Variants in ABCC5 observed in about 807,000 individuals in gnomAD.
ABCC5 encodes the protein ATP binding cassette subfamily C member 5.
In ABCC5, 61 loss-of-function variants were observed where a neutral mutation model predicts 160.9. The ratio of observed to expected loss-of-function variants is 0.38; its 90% confidence interval spans 0.31 to 0.47. The LOEUF is 0.47. Among genes scored for constraint, ABCC5 ranks in the 20% least tolerant of loss-of-function variants. ABCC5 has a pLI of 0.99. For missense variants in ABCC5, 1,308 were observed against 1,813.3 expected, an observed-to-expected ratio of 0.72 and a Z score of 5.06; for synonymous variants, 666 against 700.6, an observed-to-expected ratio of 0.95 and a Z score of 0.78.
chr3:183,943,956 C>A (rs1714603555), intron 24 of ABCC5, among the ~76,000 whole-genome samples: 1 of 152,222 alleles, frequency 6.6e-6, no homozygotes, highest in South Asian at 2.1e-4. Context: ...AGCCACCTGC[C>A]ATCCTTTCTG....
chr3:183,989,043 C>A (rs1719490192), intron 3 of ABCC5, among the ~76,000 whole-genome samples, 183 bp downstream of exon 3: 1 of 151,400 alleles, frequency 6.6e-6, no homozygotes. Context: ...GTGGTGCACG[C>A]CTGTAGTCCC....
intron 25 of ABCC5, among the ~76,000 whole-genome samples, chr3:183,942,141 G>A (rs1021946702): frequency 4.6e-5 from 7 of 151,922 alleles, no homozygotes; most frequent in African/African-American, 1.7e-4. Context: ...CCAGGTTCAC[G>A]CCATTCTCCT....
chr3:183,972,134 A>G, intron 10 of ABCC5: 1 of 839,490 alleles, frequency 1.2e-6, no homozygotes, highest in Non-Finnish European at 1.9e-6. Context: ...GGGCCTTATC[A>G]ATGACCCAAT....
intron 28 of ABCC5, among the ~76,000 whole-genome samples, chr3:183,927,021 G>T (rs1045234090): frequency 6.6e-6 from 1 of 151,726 alleles, no homozygotes; most frequent in African/African-American, 2.4e-5. Flanking sequence ...CTCCAGCCTG[G>T]AGACAGAGCA....
intron 5 of ABCC5, chr3:183,984,066 A>T (rs1189323039): frequency 2.0e-6 from 2 of 985,338 alleles, no homozygotes; most frequent in Non-Finnish European, 2.4e-6. Context: ...TTCTCTAGGA[A>T]AAAAGACCTT....
chr3:183,944,713 A>G (rs901188248), intron 24 of ABCC5, among the ~76,000 whole-genome samples: 5 of 152,150 alleles, frequency 3.3e-5, no homozygotes, highest in African/African-American at 1.2e-4. Flanking sequence ...CTTTCTTAAC[A>G]TATTATGAGA....
At chr3:183,980,533 C>T (rs1718620219) in intron 8 of ABCC5, among the ~76,000 whole-genome samples, 1 of 152,152 alleles carries the variant, frequency 6.6e-6, no homozygotes, top group Admixed American at 6.5e-5. Flanking sequence ...GAAACAAACT[C>T]ACTGCTTAAC....
At chr3:183,967,994 C>A (rs565222009) in intron 11 of ABCC5, among the ~76,000 whole-genome samples, 1 of 152,314 alleles carries the variant, frequency 6.6e-6, no homozygotes, top group Admixed American at 6.5e-5. Flanking sequence ...AGTAAATATG[C>A]CGCACACATT....
At chr3:183,997,183 A>G (rs1171812981) in intron 2 of ABCC5, among the ~76,000 whole-genome samples, 1 of 152,116 alleles carries the variant, frequency 6.6e-6, no homozygotes, top group Non-Finnish European at 1.5e-5. Flanking sequence ...TATGGCCTTA[A>G]AGTATGAAGA....
intron 5 of ABCC5, chr3:183,985,755 A>T (rs1203902693): frequency 3.2e-6 from 1 of 308,598 alleles, no homozygotes; most frequent in African/African-American, 2.2e-5. Context: ...TAACATTACT[A>T]TGACCCCCGG....
intron 10 of ABCC5, among the ~76,000 whole-genome samples, chr3:183,972,229 C>G (rs60835160): frequency 6.6e-6 from 1 of 152,156 alleles, no homozygotes; most frequent in Non-Finnish European, 1.5e-5. Flanking sequence ...CTGACTGGCA[C>G]GTAGCCCCTT....
chr3:183,923,549 G>A (rs55853506), intron 29 of ABCC5, among the ~76,000 whole-genome samples: 9,287 of 152,180 alleles, frequency 0.061, 386 homozygotes, highest in East Asian at 0.17. Context: ...CTTGAACCCC[G>A]GAGGCGAAGG....
chr3:183,927,359 T>C lies in ABCC5; in HGVS notation c.4018A>G (p.Ile1340Val), dbSNP rs770802790. The change falls in exon 28 of 30, where the codon ATA becomes GTA. Residue 1340 changes from isoleucine (I) to valine (V), a missense_variant. By Grantham distance (29) the Ile-to-Val change is conservative. Coordinates refer to ENST00000334444, the MANE Select transcript of ABCC5 (RefSeq NM_005688.4). The stretch of plus-strand genomic sequence containing the variant: ...CAGTGGCGGAGCAGGGCTCTAGCTA[T>C]GCACAAGAGCTGCCGTTCCCCCACT... ...FSVGERQLLC[I>V]ARALLRHCKI... is the part of the protein sequence containing the mutation. The C allele has an allele frequency of 1.1e-5, 17 of 1,613,390 alleles. No homozygotes were observed. The highest frequency in any genetic ancestry group is 4.0e-5 in the African/African-American group (3 of 74,920).
At chr3:183,940,658 G>C (rs1013798203) in intron 25 of ABCC5, among the ~76,000 whole-genome samples, 1 of 151,862 alleles carries the variant, frequency 6.6e-6, no homozygotes, top group Non-Finnish European at 1.5e-5. Flanking sequence ...AGGTGCCTAG[G>C]TTTGGACCAC....
At chr3:183,950,179 A>G (rs958813399) in intron 20 of ABCC5, 54 bp from the exon 21 acceptor site, 1 of 1,543,574 alleles carries the variant, frequency 6.5e-7, no homozygotes, top group Non-Finnish European at 8.7e-7. Flanking sequence ...AATGGAACTG[A>G]AAATTGAAAA....
At chr3:183,978,711 C>G (rs1718439965) in intron 8 of ABCC5, 60 bp from the exon 9 acceptor site, 1 of 1,570,908 alleles carries the variant, frequency 6.4e-7, no homozygotes, top group East Asian at 2.2e-5. Flanking sequence ...GGATGTTGTT[C>G]CTCCACCTCC....
chr3:183,942,850 C>T lies in ABCC5; in HGVS notation c.3571G>A (p.Gly1191Arg). The change falls in exon 25 of 30, where the codon GGA becomes AGA. Residue 1191 changes from glycine (G) to arginine (R), a missense_variant. Physicochemically the swap from Gly to Arg is moderately radical, Grantham distance 125. Around this residue, in one of 3 missense-constraint regions of ABCC5, gnomAD observed 1,142 missense variants for 1,527.1 expected, o/e 0.75. Coordinates refer to ENST00000334444, the MANE Select transcript of ABCC5 (RefSeq NM_005688.4). ...TCTGCGTTCTCAAAGGTCACCTCTC[C>T]CTCCTGGGGCCAGTCAGGGGAGGGA... is the stretch of plus-strand genomic sequence containing the variant. Reference protein sequence around the residue: ...KAPSPDWPQEGEVTFENAEMR... With the variant: ...KAPSPDWPQEREVTFENAEMR... 1 of 1,614,116 alleles carries T rather than the reference C, an allele frequency of 6.2e-7. No individual in the cohort carries two copies. The highest frequency in any genetic ancestry group is 8.5e-7 in the Non-Finnish European group (1 of 1,180,010).
chr3:183,951,711 T>G lies in ABCC5; in HGVS notation c.2815-141A>C, dbSNP rs993209568. The stretch of plus-strand genomic sequence containing the variant: ...GGGACAGGTGGCAAGTGAGAAAAGG[T>G]GGAGGCTAACGGAATATGAGTCATC... On this transcript the variant is annotated intron_variant, in intron 19 of 29. Transcript: ENST00000334444. The surrounding 1 kb of genome is among the most constrained non-coding windows in gnomAD (Gnocchi z 4.7). The G allele has an allele frequency of 2.7e-6, 4 of 1,465,808 alleles. No homozygotes were observed. In the African/African-American group the frequency reaches 4.2e-5, roughly 15 times the overall value. The allele number at this position is 1,465,808 out of a possible 1,614,324, so 90.8% of individuals were successfully genotyped here.
At chr3:183,950,946 C>T (rs1394052258) in intron 20 of ABCC5, among the ~76,000 whole-genome samples, 2 of 152,224 alleles carry the variant, frequency 1.3e-5, no homozygotes, top group Non-Finnish European at 2.9e-5. Flanking sequence ...TTCCAGATAG[C>T]AGCTTTCTCA....
Sources: gnomAD v4.1 joint callset for allele counts (sites outside exome capture counted in the v4.1 genomes callset) on GRCh38, gnomAD v4.1.1 for gene constraint, gnomAD v4.1.1 regional missense constraint, Gnocchi (gnomAD v3.1) non-coding constraint, MANE v1.5 for transcripts, NCBI Gene and HGNC (gene_info 2026-07-23, HGNC 2026-07-21) for gene names.